Variants in GPD2 observed in about 807,000 individuals in gnomAD.
GPD2 encodes the protein glycerol-3-phosphate dehydrogenase 2, also known as glycerol-3-phosphate dehydrogenase, mitochondrial.
In GPD2, 54 loss-of-function variants were observed where a neutral mutation model predicts 82.4. The ratio of observed to expected loss-of-function variants is 0.66; its 90% CI spans 0.53 to 0.82. The LOEUF (loss-of-function observed/expected upper bound fraction) is 0.82. Ranked by LOEUF, GPD2 falls within the 40% of genes least tolerant of loss-of-function variation. GPD2 has a pLI of 0.00. For synonymous variants in GPD2, 288 were observed against 306.1 expected (o/e 0.94, Z 0.62); for missense variants, 748 against 896.2 (o/e 0.83, Z 2.11).
At position 156,514,493 on chromosome 2, in the gene GPD2, T is replaced by C. The variant is rs116434870; in HGVS notation, c.661+997T>C. Among the ~76,000 whole-genome samples the C allele has an allele frequency of 8.8e-3, 1,344 of 152,154 alleles. 24 individuals carry two copies. Among genetic ancestry groups the C allele is most frequent in the African/African-American group, 0.03 (1,259 of 41,488 alleles). On this transcript the variant is annotated intron_variant, in intron 6 of 16. Transcript: ENST00000438166. ...AGAAGAATTTGTTGTTGTTTTATTT[T>C]TTTCAGGATACTTTGATATTTATAC...
intron 1 of GPD2, among the ~76,000 whole-genome samples, chr2:156,453,089 T>C (rs999232981): frequency 6.6e-5 from 10 of 152,204 alleles, no homozygotes; most frequent in African/African-American, 2.4e-4. Flanking sequence ...TGCACATTAA[T>C]GATTTGCAGC....
Position 156,513,414 on chromosome 2 carries a change from T to C in GPD2, c.579T>C (p.Tyr193=), listed in dbSNP as rs376931205. The C allele has an allele frequency of 2.6e-4, 420 of 1,612,626 alleles. No individual in the cohort carries two copies. Among genetic ancestry groups the C allele is most frequent in the Non-Finnish European group, 3.3e-4 (392 of 1,178,938 alleles). Residue 193 remains tyrosine (Y), a synonymous_variant, in exon 6 of 17, where the codon TAT becomes TAC. Coordinates refer to ENST00000438166, the MANE Select transcript of GPD2 (RefSeq NM_000408.5). The part of the protein sequence containing the change: ...VAGSNCLKSS[Y]VLSKSRALEH... Reference sequence around the variant, plus strand: ...GAAGCAATTGCCTAAAAAGCAGTTATGTCCTCAGCAAATCAAGAGCCCTTG... The same window carrying C: ...GAAGCAATTGCCTAAAAAGCAGTTACGTCCTCAGCAAATCAAGAGCCCTTG...
intron 13 of GPD2, among the ~76,000 whole-genome samples, chr2:156,575,700 C>G (rs1456892353): frequency 6.6e-6 from 1 of 152,056 alleles, no homozygotes; most frequent in Non-Finnish European, 1.5e-5. Context: ...GCCACCACAC[C>G]CGGTCCTCAT....
the GPD2 span, among the ~76,000 whole-genome samples, chr2:156,408,851 G>A: frequency 1.3e-5 from 2 of 152,076 alleles, no homozygotes; most frequent in African/African-American, 4.8e-5. Context: ...AAATGTGCAT[G>A]TTGAAGTAAA....
Position 156,571,003 on chromosome 2 carries a change from T to C in GPD2, c.1609-131T>C. The C allele has an allele frequency of 7.0e-6, 5 of 718,964 alleles. No individual in the cohort carries two copies. In the South Asian group the frequency reaches 7.8e-5, roughly 11 times the overall value. The allele number at this position is 718,964 out of a possible 1,614,324, so 44.5% of individuals were successfully genotyped here. On this transcript the variant is annotated intron_variant, in intron 12 of 16. Transcript: ENST00000438166. The stretch of plus-strand genomic sequence containing the variant: ...ATGCCACTATTTGTCTCATGCCTGC[T>C]GGAGGACCAGAGAGTATAAAGAAAA...
chr2:156,489,797 C>A (rs1684101501), intron 2 of GPD2, among the ~76,000 whole-genome samples: 1 of 328 alleles, frequency 3.0e-3, no homozygotes, highest in South Asian at 0.071. Context: ...CGCTCCCCTT[C>A]CTTCCTCCCC....
chr2:156,493,200 G>A (rs1684245954), intron 2 of GPD2, among the ~76,000 whole-genome samples: 1 of 152,146 alleles, frequency 6.6e-6, no homozygotes, highest in Non-Finnish European at 1.5e-5. Flanking sequence ...AGGCTGGAGA[G>A]AGAGAGAGTT....
At chr2:156,401,842 C>T in the GPD2 span, among the ~76,000 whole-genome samples, 3 of 151,470 alleles carry the variant, frequency 2.0e-5, no homozygotes, top group Non-Finnish European at 4.4e-5. Flanking sequence ...GTGAATGATA[C>T]AACAAAAGAT....
At chr2:156,437,846 AC>A (rs1487412555) in intron 1 of GPD2, among the ~76,000 whole-genome samples, 1 of 152,166 alleles carries the variant, frequency 6.6e-6, no homozygotes, top group African/African-American at 2.4e-5. Context: ...AGTGAGTGTT[AC>A]CACCCCCTTT....
rs780196295 is a variant in GPD2, at chr2:156,579,693, A to T, written c.1963A>T (p.Ile655Phe). The T allele has an allele frequency of 7.5e-7, 1 of 1,326,746 alleles. No individual in the cohort carries two copies. The allele number at this position is 1,326,746 out of a possible 1,614,324, so 82.2% of individuals were successfully genotyped here. A position where few individuals can be genotyped will look rare whatever the true frequency, so the allele number is the denominator to read the frequency against. The change falls in exon 16 of 17, where the codon ATC becomes TTC. Residue 655 changes from isoleucine (I) to phenylalanine (F), a missense_variant. Ile to Phe is a conservative substitution (Grantham distance 21, BLOSUM62 0). This residue lies in a region of GPD2 where 692 missense variants were observed against 809.7 expected (regional missense o/e 0.85). Transcript: ENST00000438166. The part of the protein sequence containing the change: ...IVDVQRVLES[I>F]NVQMDENTLH... ...TCTATGCTTTTCTTTTACTTAGAGTATCAATGTCCAAATGGATGAAAATAC... is the reference window on the plus strand; with the variant it reads ...TCTATGCTTTTCTTTTACTTAGAGTTTCAATGTCCAAATGGATGAAAATAC...
chr2:156,513,386 C>T lies in GPD2; in HGVS notation c.551C>T (p.Ala184Val). 1.2e-6 allele frequency: 2 copies of T among 1,611,810 alleles called. No homozygotes were observed. The highest frequency in any genetic ancestry group is 1.7e-6 in the Non-Finnish European group (2 of 1,178,674). The stretch of plus-strand genomic sequence containing the variant: ...GGAATCAAGCTGTATGATTTGGTTG[C>T]AGGAAGCAATTGCCTAAAAAGCAGT... ...WVGIKLYDLV[A>V]GSNCLKSSYV... is the part of the protein sequence containing the mutation. Residue 184 changes from alanine (A) to valine (V), a missense_variant, in exon 6 of 17, where the codon GCA becomes GTA. Physicochemically the swap from Ala to Val is moderately conservative, Grantham distance 64. This residue lies in a region of GPD2 where 692 missense variants were observed against 809.7 expected (regional missense o/e 0.85). Coordinates refer to ENST00000438166, the MANE Select transcript of GPD2 (RefSeq NM_000408.5).
intron 6 of GPD2, among the ~76,000 whole-genome samples, chr2:156,525,219 C>T (rs1010482894): frequency 1.3e-5 from 2 of 152,162 alleles, no homozygotes; most frequent in African/African-American, 4.8e-5. Context: ...ACATGTCAAT[C>T]CATCAGAATT....
the GPD2 span, among the ~76,000 whole-genome samples, chr2:156,425,985 C>G: frequency 1.3e-4 from 19 of 150,688 alleles, no homozygotes; most frequent in Non-Finnish European, 1.8e-4. Flanking sequence ...TGCAGTGGCG[C>G]CATCTCGGCT....
chr2:156,547,743 C>A (rs1686602028), intron 6 of GPD2, among the ~76,000 whole-genome samples: 1 of 152,086 alleles, frequency 6.6e-6, no homozygotes, highest in South Asian at 2.1e-4. Context: ...CTATACTGCT[C>A]CAATGAGATT....
chr2:156,525,628 A>C (rs77525625), intron 6 of GPD2, among the ~76,000 whole-genome samples: 2,787 of 152,322 alleles, frequency 0.018, 93 homozygotes, highest in African/African-American at 0.063. Context: ...TCAGACTTCC[A>C]AAACAGTTTA....
rs1352117048 is a variant in GPD2, at chr2:156,584,184, G to T, written c.*1266G>T. On this transcript the variant is annotated 3_prime_UTR_variant, in exon 17 of 17. Coordinates refer to ENST00000438166, the MANE Select transcript of GPD2 (RefSeq NM_000408.5). ...TGAATTTAACAAGTAATGCAGTTTG[G>T]GATGCTTTTGCTACATTTTGGTGGC... 1 of 151,848 alleles carries T rather than the reference G, an allele frequency of 6.6e-6. No homozygotes were observed. The allele number at this position is 151,848 out of a possible 1,614,324, so 9.4% of individuals were successfully genotyped here. A position where few individuals can be genotyped will look rare whatever the true frequency, so the allele number is the denominator to read the frequency against.
At chr2:156,420,515 C>G in the GPD2 span, among the ~76,000 whole-genome samples, 1 of 152,118 alleles carries the variant, frequency 6.6e-6, no homozygotes. Flanking sequence ...AAAATATCAA[C>G]TAGATAATGT....
chr2:156,415,701 C>T, the GPD2 span, among the ~76,000 whole-genome samples: 1 of 151,848 alleles, frequency 6.6e-6, no homozygotes. Context: ...AATAAAAATA[C>T]AAAATTAGCC....
At chr2:156,474,845 G>C (rs1278629605) in intron 1 of GPD2, among the ~76,000 whole-genome samples, 2 of 151,886 alleles carry the variant, frequency 1.3e-5, no homozygotes, top group Non-Finnish European at 2.9e-5. Context: ...AGAGTGTGGG[G>C]TGGCTCATGT....
Sources: allele counts gnomAD v4.1 joint callset (sites outside exome capture counted in the v4.1 genomes callset), GRCh38; gene constraint gnomAD v4.1.1; regional missense constraint gnomAD v4.1.1; transcripts MANE v1.5; gene names NCBI Gene and HGNC (gene_info 2026-07-23, HGNC 2026-07-21).